The following SMCHD1 variants were observed in gnomAD, a reference collection of about 807,000 sequenced individuals.
SMCHD1 encodes the protein structural maintenance of chromosomes flexible hinge domain-containing protein 1.
In SMCHD1, 78 loss-of-function variants were observed where a neutral mutation model predicts 254.7. The ratio of observed to expected loss-of-function variants is 0.31; its 90% CI spans 0.26 to 0.37. SMCHD1 has a LOEUF of 0.37. Among genes scored for constraint, SMCHD1 ranks in the 10% least tolerant of loss-of-function variants. The pLI, the probability that SMCHD1 is intolerant of heterozygous loss-of-function variation, is 1.00. For missense variants in SMCHD1, 1,840 were observed against 2,408.1 expected (o/e 0.76, Z 4.94); for synonymous variants, 766 against 794.9 (o/e 0.96, Z 0.61).
Position 2,706,034 on chromosome 18 carries a change from A to T in SMCHD1, c.1956+227A>T, listed in dbSNP as rs566073142. On this transcript the variant is annotated intron_variant, in intron 14 of 47. Coordinates refer to ENST00000320876, the MANE Select transcript of SMCHD1 (RefSeq NM_015295.3). ...TATATACATTATAACTAGTTACCAAATTAATTTTATAAAGTCATATTTCCT... is the reference window on the plus strand; with the variant it reads ...TATATACATTATAACTAGTTACCAATTTAATTTTATAAAGTCATATTTCCT... Among the ~76,000 whole-genome samples the T allele has an allele frequency of 1.3e-4, 20 of 152,276 alleles. No individual in the cohort carries two copies. The South Asian group carries it at 3.9e-3, about 30-fold the overall frequency.
rs141414071 is a variant in SMCHD1, at chr18:2,740,955, A to T, written c.3633+134A>T. 1,161 of 557,620 alleles carry T rather than the reference A, an allele frequency of 2.1e-3. 4 individuals are homozygous for T. Among genetic ancestry groups the T allele is most frequent in the Non-Finnish European group, 2.9e-3 (925 of 317,344 alleles). The allele number at this position is 557,620 out of a possible 1,614,324, so 34.5% of individuals were successfully genotyped here. On this transcript the variant is annotated intron_variant, in intron 28 of 47. Transcript: ENST00000320876. ...ATTGAAAAGTCATAAAAGGCATTTT[A>T]AAAACTTGAAAAAGTTTGAACATAT...
chr18:2,744,311 GT>G (rs1398180360), intron 29 of SMCHD1, among the ~76,000 whole-genome samples: 1 of 151,968 alleles, frequency 6.6e-6, no homozygotes, highest in East Asian at 1.9e-4. Context: ...TTTTATTGGA[GT>G]TTTAAAAAGC....
At chr18:2,745,695 T>A (rs2075441468) in intron 29 of SMCHD1, among the ~76,000 whole-genome samples, 1 of 152,202 alleles carries the variant, frequency 6.6e-6, no homozygotes, top group Non-Finnish European at 1.5e-5. Context: ...CTGGACATGT[T>A]TGTCTTATAT....
Position 2,718,812 on chromosome 18 carries a change from C to T in SMCHD1, c.2458+378C>T, listed in dbSNP as rs1183213861. On this transcript the variant is annotated intron_variant, in intron 19 of 47. Transcript: ENST00000320876. This position sits in a 1 kb window ranked among gnomAD's most constrained non-coding sequence, Gnocchi z 4.6. Reference sequence around the variant, plus strand: ...TGATGATCTACCTGCCTCAGCCTCCCAAAGTGCTGGGATTACAGATGTGAG... The same window carrying T: ...TGATGATCTACCTGCCTCAGCCTCCTAAAGTGCTGGGATTACAGATGTGAG... Among the ~76,000 whole-genome samples the T allele has an allele frequency of 6.6e-6, 1 of 152,192 alleles. No homozygotes were observed. Among genetic ancestry groups the T allele is most frequent in the Non-Finnish European group, 1.5e-5 (1 of 68,036 alleles).
Position 2,795,981 on chromosome 18 carries a change from A to G in SMCHD1, c.5752A>G (p.Lys1918Glu). The G allele has an allele frequency of 6.3e-7, 1 of 1,597,910 alleles. No individual in the cohort carries two copies. Among genetic ancestry groups the G allele is most frequent in the Non-Finnish European group, 8.5e-7 (1 of 1,171,908 alleles). ...LLQQYRSAVC[K>E]LDSVNKDLNS... ...TCAGCAGTATCGTTCTGCTGTGTGC[A>G]AACTAGACAGTGTGAATAAGGATCT... Residue 1918 changes from lysine to glutamate, a missense_variant, in exon 46 of 48, where the codon AAA becomes GAA. Lys to Glu is a moderately conservative substitution (Grantham distance 56, BLOSUM62 1). Around this residue, in one of 9 missense-constraint regions of SMCHD1, gnomAD observed 132 missense variants for 138.2 expected, o/e 0.95. Transcript: ENST00000320876.
intron 17 of SMCHD1, among the ~76,000 whole-genome samples, chr18:2,709,244 A>G (rs1717736750): frequency 1.9e-5 from 2 of 104,740 alleles, no homozygotes; most frequent in Non-Finnish European, 4.4e-5. Context: ...ATATATATAT[A>G]TATATACACA....
At chr18:2,754,289 A>G (rs2075631204) in intron 34 of SMCHD1, among the ~76,000 whole-genome samples, 1 of 152,212 alleles carries the variant, frequency 6.6e-6, no homozygotes, top group South Asian at 2.1e-4. Flanking sequence ...TACCAATGCC[A>G]GGTTTGATGA....
intron 29 of SMCHD1, among the ~76,000 whole-genome samples, chr18:2,744,644 C>T (rs954998506): frequency 6.6e-6 from 1 of 152,078 alleles, no homozygotes; most frequent in Non-Finnish European, 1.5e-5. Flanking sequence ...AAAGGACATG[C>T]AATAGATGAA....
chr18:2,749,509 G>A (rs538882924), intron 30 of SMCHD1, among the ~76,000 whole-genome samples: 79 of 152,318 alleles, frequency 5.2e-4, no homozygotes, highest in African/African-American at 1.9e-3. Context: ...ATTAGGAAAT[G>A]TGGCCACTGA....
At chr18:2,663,743 C>G (rs2143788628) in intron 1 of SMCHD1, among the ~76,000 whole-genome samples, 1 of 147,996 alleles carries the variant, frequency 6.8e-6, no homozygotes, top group East Asian at 1.9e-4. Flanking sequence ...AAGACGGAGT[C>G]TCGCTCTGTC....
chr18:2,678,990 G>A (rs907201594), intron 5 of SMCHD1, among the ~76,000 whole-genome samples: 3 of 151,242 alleles, frequency 2.0e-5, no homozygotes, highest in Non-Finnish European at 2.9e-5. Flanking sequence ...TGGGATTACA[G>A]GCATGCACCA....
chr18:2,698,111 AT>A, intron 10 of SMCHD1, 70 bp downstream of exon 10: 1 of 1,274,364 alleles, frequency 7.8e-7, no homozygotes, highest in Non-Finnish European at 1.1e-6. Flanking sequence ...GTTTTTCTAA[AT>A]GATTATCGGT....
intron 45 of SMCHD1, chr18:2,785,095 C>A (rs1360836754): frequency 3.8e-6 from 1 of 264,276 alleles, no homozygotes; most frequent in Non-Finnish European, 7.5e-6. Context: ...ATCTCCTGCC[C>A]CTTTTTCCCT....
chr18:2,773,542 G>T (rs1264539953), intron 41 of SMCHD1, among the ~76,000 whole-genome samples: 1 of 152,094 alleles, frequency 6.6e-6, no homozygotes, highest in Non-Finnish European at 1.5e-5. Context: ...ACCCTAACCA[G>T]TAGGAGAAAA....
At chr18:2,769,634 A>G (rs1474118180) in intron 37 of SMCHD1, 60 bp from the exon 38 acceptor site, 16 of 1,513,358 alleles carry the variant, frequency 1.1e-5, no homozygotes, top group Non-Finnish European at 1.4e-5. Flanking sequence ...TGTAACATTT[A>G]TATGTTGTAA....
intron 34 of SMCHD1, among the ~76,000 whole-genome samples, chr18:2,757,889 T>C (rs1490577358): frequency 6.6e-6 from 1 of 152,062 alleles, no homozygotes; most frequent in East Asian, 1.9e-4. Flanking sequence ...TTATTATTAT[T>C]ATTTTTTTCT....
chr18:2,755,415 C>T (rs532597336), intron 34 of SMCHD1, among the ~76,000 whole-genome samples: 2 of 152,006 alleles, frequency 1.3e-5, no homozygotes, highest in African/African-American at 2.4e-5. Flanking sequence ...CCCACCTCAG[C>T]CTCCCAAAGT....
chr18:2,728,540 G>C lies in SMCHD1; in HGVS notation c.2857G>C (p.Val953Leu). ...NGTAFPFQVE[V>L]LDESDNITAQ... is the part of the protein sequence containing the mutation. ...AACAGCTTTCCCATTTCAGGTGGAA[G>C]TTTTAGATGAATCAGACAACATAAC... is the stretch of plus-strand genomic sequence containing the variant. Residue 953 changes from valine (V) to leucine (L), a missense_variant, in exon 23 of 48, where the codon GTT becomes CTT. Coordinates refer to ENST00000320876, the MANE Select transcript of SMCHD1 (RefSeq NM_015295.3). The C allele has an allele frequency of 1.9e-6, 3 of 1,613,292 alleles. No individual in the cohort carries two copies. Among genetic ancestry groups the C allele is most frequent in the Non-Finnish European group, 2.5e-6 (3 of 1,179,528 alleles).
At position 2,738,470 on chromosome 18, in the gene SMCHD1, C is replaced by T. The variant is rs748598412; in HGVS notation, c.3350C>T (p.Ser1117Phe). 6.8e-6 allele frequency: 11 copies of T among 1,612,530 alleles called. No homozygotes were observed. In the East Asian group the frequency reaches 2.2e-4, roughly 33 times the overall value. Residue 1117 changes from serine (S) to phenylalanine (F), a missense_variant, in exon 26 of 48, where the codon TCT (serine) becomes TTT (phenylalanine). Around this residue, in one of 9 missense-constraint regions of SMCHD1, gnomAD observed 881 missense variants for 1,009.5 expected, o/e 0.87. Coordinates refer to ENST00000320876, the MANE Select transcript of SMCHD1 (RefSeq NM_015295.3). ...CTTCCTGATGTGCAAGTACCAACAT[C>T]TGTAAAAGATATGCGCTATTGCCAG... ...GLLPDVQVPT[S>F]VKDMRYCQVS... is the part of the protein sequence containing the mutation.
Sources: gnomAD v4.1 joint callset for allele counts (sites outside exome capture counted in the v4.1 genomes callset) on GRCh38, gnomAD v4.1.1 for gene constraint, gnomAD v4.1.1 regional missense constraint, Gnocchi (gnomAD v3.1) non-coding constraint, MANE v1.5 for transcripts, NCBI Gene and HGNC (gene_info 2026-07-23, HGNC 2026-07-21) for gene names.